The following ANO5 variants were observed in gnomAD, a reference collection of about 807,000 sequenced individuals.
The protein encoded by ANO5 is anoctamin 5, also known as anoctamin-5.
In ANO5, 109 loss-of-function variants were observed where a neutral mutation model predicts 121.0. That is an observed-to-expected ratio of 0.90 (90% confidence interval 0.77 to 1.06). ANO5 has a LOEUF of 1.06. Among genes scored for constraint, ANO5 ranks in the 50% least tolerant of loss-of-function variants. The pLI is 0.00. For missense variants in ANO5, 1,064 were observed against 1,078.5 expected, an observed-to-expected ratio of 0.99 and a Z score of 0.19; for synonymous variants, 406 against 359.9, an observed-to-expected ratio of 1.13 and a Z score of -1.45.
chr11:22,203,045 T>C (rs1852009654), intron 1 of ANO5, among the ~76,000 whole-genome samples: 1 of 152,148 alleles, frequency 6.6e-6, no homozygotes, highest in East Asian at 1.9e-4. Context: ...ATAAAGTGTC[T>C]TGTTCTGGGC....
chr11:22,214,837 T>TA (rs907096908), intron 3 of ANO5, among the ~76,000 whole-genome samples: 10 of 151,906 alleles, frequency 6.6e-5, no homozygotes, highest in South Asian at 2.1e-4. Flanking sequence ...TGTTTTTGGG[T>TA]AAAAAAATGG....
intron 7 of ANO5, among the ~76,000 whole-genome samples, chr11:22,228,615 G>A (rs576819761): frequency 1.2e-4 from 18 of 151,804 alleles, no homozygotes; most frequent in Admixed American, 5.9e-4. Context: ...CTTTGTACCC[G>A]TTGACCAATC....
At chr11:22,264,080 A>G (rs890121369) in intron 17 of ANO5, among the ~76,000 whole-genome samples, 4 of 145,496 alleles carry the variant, frequency 2.7e-5, no homozygotes, top group Admixed American at 6.8e-5. Flanking sequence ...CTGGAGTGCA[A>G]TGGCGCAATC....
intron 13 of ANO5, among the ~76,000 whole-genome samples, chr11:22,256,405 T>C (rs1854001128): frequency 6.6e-6 from 1 of 152,168 alleles, no homozygotes; most frequent in South Asian, 2.1e-4. Context: ...CACTGAACAA[T>C]TACTAAATTT....
At chr11:22,246,883 AAAAAG>A (rs1853644358) in intron 9 of ANO5, among the ~76,000 whole-genome samples, 1 of 151,312 alleles carries the variant, frequency 6.6e-6, no homozygotes, top group African/African-American at 2.4e-5. Context: ...AAAAAAAGCA[AAAAAG>A]AAAAGAATTT....
intron 1 of ANO5, among the ~76,000 whole-genome samples, chr11:22,203,048 T>C (rs1852009807): frequency 6.6e-6 from 1 of 152,146 alleles, no homozygotes; most frequent in Admixed American, 6.6e-5. Flanking sequence ...AAGTGTCTTG[T>C]TCTGGGCTCT....
At chr11:22,248,924 T>G in intron 9 of ANO5, among the ~76,000 whole-genome samples, 1 of 152,112 alleles carries the variant, frequency 6.6e-6, no homozygotes, top group Non-Finnish European at 1.5e-5. Context: ...AAATATATTT[T>G]TGTACTTTTT....
intron 9 of ANO5, among the ~76,000 whole-genome samples, chr11:22,244,236 A>G (rs1464320573): frequency 6.6e-6 from 1 of 152,064 alleles, no homozygotes; most frequent in Non-Finnish European, 1.5e-5. Flanking sequence ...TAGGCTTCCA[A>G]TCTCTTCTGG....
intron 17 of ANO5, among the ~76,000 whole-genome samples, chr11:22,269,169 G>A (rs1359117518): frequency 1.3e-5 from 2 of 148,362 alleles, no homozygotes; most frequent in African/African-American, 5.1e-5. Context: ...GAAGGGATGG[G>A]AAGGGAAGAG....
intron 1 of ANO5, among the ~76,000 whole-genome samples, chr11:22,194,385 CA>C (rs956850427): frequency 1.4e-4 from 22 of 152,188 alleles, no homozygotes; most frequent in African/African-American, 5.1e-4. Context: ...ATTCAGTCTT[CA>C]AAGGCACCGG....
chr11:22,193,856 G>C (rs757589292), intron 1 of ANO5, among the ~76,000 whole-genome samples: 20 of 152,162 alleles, frequency 1.3e-4, no homozygotes, highest in Non-Finnish European at 2.6e-4. Context: ...GGGCTGCTAG[G>C]CTAGCGCTGC....
chr11:22,261,977 T>C lies in ANO5; in HGVS notation c.1631-152T>C. 5 of 677,326 alleles carry C rather than the reference T, an allele frequency of 7.4e-6. No individual in the cohort carries two copies. In the South Asian group the frequency reaches 9.2e-5, roughly 12 times the overall value. 42.0% of individuals were successfully genotyped at this position (677,326 alleles called of 1,614,324 possible). ...TAACAGAAAGTCTAGCACAAATCCATAGTTACTTAATATTGGCCTACTATC... is the reference window on the plus strand; with the variant it reads ...TAACAGAAAGTCTAGCACAAATCCACAGTTACTTAATATTGGCCTACTATC... On this transcript the variant is annotated intron_variant, in intron 15 of 21. Transcript: ENST00000324559.
At chr11:22,251,744 C>T (rs912369924) in intron 12 of ANO5, among the ~76,000 whole-genome samples, 8 of 151,830 alleles carry the variant, frequency 5.3e-5, no homozygotes, top group African/African-American at 1.9e-4. Context: ...TGGGCAAGGG[C>T]GGCCAGGCAC....
Position 22,280,001 on chromosome 11 carries a change from C to T in ANO5, c.*236C>T, listed in dbSNP as rs1318170042. On this transcript the variant is annotated 3_prime_UTR_variant, in exon 22 of 22. Coordinates refer to ENST00000324559, the MANE Select transcript of ANO5 (RefSeq NM_213599.3). ...TCTCCAGATGTTGTTTTCTGAGGTG[C>T]TGTAAATGACTGTTGAAAGTGCAGG... 5.9e-6 allele frequency: 3 copies of T among 507,268 alleles called. No homozygotes were observed. Among genetic ancestry groups the T allele is most frequent in the Non-Finnish European group, 1.0e-5 (3 of 285,886 alleles). The allele number at this position is 507,268 out of a possible 1,614,324, so 31.4% of individuals were successfully genotyped here.
chr11:22,279,906 A>G lies in ANO5; in HGVS notation c.*141A>G, dbSNP rs1238664536. 2 of 726,392 alleles carry G rather than the reference A, an allele frequency of 2.8e-6. No individual in the cohort carries two copies. The highest frequency in any genetic ancestry group is 4.1e-5 in the African/African-American group (2 of 49,242). The allele number at this position is 726,392 out of a possible 1,614,324, so 45.0% of individuals were successfully genotyped here. ...TTTTTTTTTTAAACTCAAAGTTTTT[A>G]TACACTTTTATAGAGGCCAACTTTG... On this transcript the variant is annotated 3_prime_UTR_variant, in exon 22 of 22. Coordinates refer to ENST00000324559, the MANE Select transcript of ANO5 (RefSeq NM_213599.3).
Position 22,248,545 on chromosome 11 carries a change from C to T in ANO5, c.879-1692C>T, listed in dbSNP as rs553037667. On this transcript the variant is annotated intron_variant, in intron 9 of 21. Transcript: ENST00000324559. Reference sequence around the variant, plus strand: ...TTTCTGAGATCCTGAAAGATTATTTCGTTGTTAATCTGTTACTGTTAGATA... The same window carrying T: ...TTTCTGAGATCCTGAAAGATTATTTTGTTGTTAATCTGTTACTGTTAGATA... Among the ~76,000 whole-genome samples, 82 of 152,030 alleles carry T rather than the reference C, an allele frequency of 5.4e-4. 1 individual carries two copies. Among genetic ancestry groups the T allele is most frequent in the Admixed American group, 1.2e-3 (19 of 15,266 alleles).
intron 18 of ANO5, 90 bp from the exon 19 acceptor site, chr11:22,272,694 C>T (rs1308909867): frequency 8.0e-7 from 1 of 1,253,512 alleles, no homozygotes; most frequent in Non-Finnish European, 1.1e-6. Flanking sequence ...TGGATCACTC[C>T]AAAACGAAGG....
intron 2 of ANO5, among the ~76,000 whole-genome samples, chr11:22,205,802 G>C (rs530458353): frequency 2.6e-5 from 4 of 152,126 alleles, no homozygotes; most frequent in African/African-American, 9.6e-5. Flanking sequence ...GGAATTTGTA[G>C]ATACCAAAAA....
At position 22,193,331 on chromosome 11, in the gene ANO5, A is replaced by AAGGAGGAGGGGAATGAGGAGAAGG. The variant is rs71034576; in HGVS notation, c.-156_-155insAGGGGAATGAGGAGAAGGAGGAGG. On this transcript the variant is annotated 5_prime_UTR_variant, in exon 1 of 22. In the 5' UTR this introduces an upstream ATG that the reference lacks. Transcript: ENST00000324559. ...GACGGTGGAGTCCGAGGAGGAGGAGAAGGAGGCCTGCAGAAGGAAGAGCAG... is the reference window on the plus strand; with the variant it reads ...GACGGTGGAGTCCGAGGAGGAGGAGAAGGAGGAGGGGAATGAGGAGAAGGAGGAGGCCTGCAGAAGGAAGAGCAG... 1.4e-6 allele frequency: 2 copies of AAGGAGGAGGGGAATGAGGAGAAGG among 1,430,504 alleles called. No homozygotes were observed. Among genetic ancestry groups the AAGGAGGAGGGGAATGAGGAGAAGG allele is most frequent in the East Asian group, 5.1e-5 (2 of 39,022 alleles). The allele number at this position is 1,430,504 out of a possible 1,614,324, so 88.6% of individuals were successfully genotyped here. A position where few individuals can be genotyped will look rare whatever the true frequency, so the allele number is the denominator to read the frequency against.
Sources: allele counts gnomAD v4.1 joint callset (sites outside exome capture counted in the v4.1 genomes callset), GRCh38; gene constraint gnomAD v4.1.1; transcripts MANE v1.5; gene names NCBI Gene and HGNC (gene_info 2026-07-23, HGNC 2026-07-21).